APBB1IP: variants seen among roughly 807,000 people sequenced by gnomAD.
APBB1IP encodes the protein amyloid beta precursor protein binding family B member 1 interacting protein.
Under a neutral mutation model 64.9 loss-of-function variants are expected in APBB1IP, and 27 were observed. The ratio of observed to expected loss-of-function variants is 0.42; its 90% CI spans 0.31 to 0.57. APBB1IP has a LOEUF of 0.57. APBB1IP is among the 20% of genes least tolerant of loss of function. APBB1IP has a pLI of 0.20. For synonymous variants in APBB1IP, 392 were observed against 331.0 expected (o/e 1.18, Z -2.00); for missense variants, 812 against 845.5 (o/e 0.96, Z 0.49).
intron 6 of APBB1IP, among the ~76,000 whole-genome samples, chr10:26,507,911 A>G: frequency 6.6e-6 from 1 of 152,336 alleles, no homozygotes; most frequent in Middle Eastern, 3.4e-3. Context: ...AGACAGTGAG[A>G]AAGTGTTGCC....
intron 2 of APBB1IP, among the ~76,000 whole-genome samples, chr10:26,454,461 G>A (rs905553444): frequency 2.6e-5 from 4 of 151,786 alleles, no homozygotes; most frequent in African/African-American, 9.7e-5. Context: ...ACTCCAGCCT[G>A]GACGACAGAG....
At chr10:26,469,404 C>T (rs147580470) in intron 2 of APBB1IP, among the ~76,000 whole-genome samples, 4 of 151,536 alleles carry the variant, frequency 2.6e-5, no homozygotes, top group South Asian at 2.1e-4. Flanking sequence ...AGATGACAGG[C>T]GTGCACCACC....
chr10:26,513,718 T>C, intron 8 of APBB1IP, 58 bp downstream of exon 8: 1 of 1,180,624 alleles, frequency 8.5e-7, no homozygotes, highest in Non-Finnish European at 1.2e-6. Flanking sequence ...TTTTTTTTTT[T>C]GAGACGGAGT....
chr10:26,476,823 C>T (rs950533235), intron 2 of APBB1IP, among the ~76,000 whole-genome samples: 20 of 152,042 alleles, frequency 1.3e-4, no homozygotes, highest in East Asian at 3.9e-4. Flanking sequence ...CTTTTTAAGG[C>T]GGAGTCTTGC....
intron 2 of APBB1IP, among the ~76,000 whole-genome samples, chr10:26,488,197 A>G (rs1252721624): frequency 6.6e-6 from 1 of 152,096 alleles, no homozygotes; most frequent in Non-Finnish European, 1.5e-5. Context: ...TTGTGAAACC[A>G]TGGAGATAAT....
chr10:26,511,799 A>T lies in APBB1IP; in HGVS notation c.584A>T (p.Asp195Val). 1 of 1,614,198 alleles carries T rather than the reference A, an allele frequency of 6.2e-7. No homozygotes were observed. Among genetic ancestry groups the T allele is most frequent in the Non-Finnish European group, 8.5e-7 (1 of 1,180,038 alleles). ...NDNSTKSLMV[D>V]ERQLARDVLD... is the part of the protein sequence containing the mutation. The stretch of plus-strand genomic sequence containing the variant: ...AACAGCACAAAGTCACTGATGGTGG[A>T]TGAGCGGCAGCTGGCCCGAGATGTT... The change falls in exon 7 of 15, where the codon GAT (aspartate) becomes GTT (valine). Residue 195 changes from aspartate to valine, a missense_variant. Asp to Val is a radical substitution (Grantham distance 152). Transcript: ENST00000376236.
chr10:26,547,830 G>T (rs1166267107), intron 11 of APBB1IP, among the ~76,000 whole-genome samples: 1 of 152,304 alleles, frequency 6.6e-6, no homozygotes, highest in Non-Finnish European at 1.5e-5. Context: ...CGCTTTGCAT[G>T]TAGATATCCA....
At position 26,523,847 on chromosome 10, in the gene APBB1IP, C is replaced by T. The variant is rs144668913; in HGVS notation, c.814-9592C>T. ...AATAAATTTCTTAAAAAAAGAAAGACCCTGGCCTTGAATGGTGGCTCACTA... is the reference window on the plus strand; with the variant it reads ...AATAAATTTCTTAAAAAAAGAAAGATCCTGGCCTTGAATGGTGGCTCACTA... On this transcript the variant is annotated intron_variant, in intron 8 of 14. Coordinates refer to ENST00000376236, the MANE Select transcript of APBB1IP (RefSeq NM_019043.4). Among the ~76,000 whole-genome samples, 519 of 152,214 alleles carry T rather than the reference C, an allele frequency of 3.4e-3. 2 individuals are homozygous for T. Among genetic ancestry groups the T allele is most frequent in the East Asian group, 0.018 (93 of 5,184 alleles).
At chr10:26,560,467 T>C (rs1836953474) in intron 12 of APBB1IP, among the ~76,000 whole-genome samples, 1 of 152,194 alleles carries the variant, frequency 6.6e-6, no homozygotes, top group Non-Finnish European at 1.5e-5. Context: ...GTGATCGAGT[T>C]ACATAAAGAC....
intron 2 of APBB1IP, among the ~76,000 whole-genome samples, chr10:26,470,191 A>G (rs562380881): frequency 6.6e-6 from 1 of 152,350 alleles, no homozygotes; most frequent in East Asian, 1.9e-4. Flanking sequence ...TCTGCTTTAC[A>G]CTTTCAATAA....
intron 5 of APBB1IP, among the ~76,000 whole-genome samples, chr10:26,502,777 AATCCCTGGAG>A (rs750201650): frequency 2.6e-5 from 4 of 152,254 alleles, no homozygotes; most frequent in Non-Finnish European, 5.9e-5. Flanking sequence ...GGAATGTTCA[AATCCCTGGAG>A]ATGTGTCAAT....
chr10:26,450,567 C>A (rs541514139), intron 2 of APBB1IP, among the ~76,000 whole-genome samples: 24 of 152,122 alleles, frequency 1.6e-4, no homozygotes, highest in Admixed American at 1.5e-3. Flanking sequence ...TTTCTTTATT[C>A]TTCTCCTTCT....
intron 10 of APBB1IP, among the ~76,000 whole-genome samples, chr10:26,537,737 C>T (rs1836643456): frequency 6.6e-6 from 1 of 151,898 alleles, no homozygotes; most frequent in Non-Finnish European, 1.5e-5. Flanking sequence ...AGTTCTAGAC[C>T]AGCCTGGCCA....
chr10:26,462,515 T>C (rs1019945362), intron 2 of APBB1IP, among the ~76,000 whole-genome samples: 4 of 152,236 alleles, frequency 2.6e-5, no homozygotes, highest in African/African-American at 9.6e-5. Flanking sequence ...AGTATCTCAT[T>C]TAATATTTTA....
intron 2 of APBB1IP, among the ~76,000 whole-genome samples, chr10:26,486,471 T>G (rs1280435769): frequency 6.6e-6 from 1 of 152,116 alleles, no homozygotes; most frequent in Non-Finnish European, 1.5e-5. Flanking sequence ...ACTAATGGCC[T>G]TTTACCAAGT....
At chr10:26,558,040 C>A (rs1290836884) in intron 11 of APBB1IP, among the ~76,000 whole-genome samples, 1 of 151,996 alleles carries the variant, frequency 6.6e-6, no homozygotes, top group Non-Finnish European at 1.5e-5. Flanking sequence ...ATTCCACTTT[C>A]AGCACCACCA....
intron 2 of APBB1IP, among the ~76,000 whole-genome samples, chr10:26,460,978 T>C (rs1036498432): frequency 6.6e-6 from 1 of 151,550 alleles, no homozygotes; most frequent in African/African-American, 2.4e-5. Flanking sequence ...CTAGGTCTCA[T>C]GTCAATGTGT....
chr10:26,474,295 A>G (rs888176609), intron 2 of APBB1IP, among the ~76,000 whole-genome samples: 1 of 152,222 alleles, frequency 6.6e-6, no homozygotes, highest in African/African-American at 2.4e-5. Flanking sequence ...CTCAGTGGAC[A>G]GGCCTGGTTT....
intron 10 of APBB1IP, among the ~76,000 whole-genome samples, chr10:26,537,933 C>CAAA (rs11331595): frequency 9.3e-6 from 1 of 106,984 alleles, no homozygotes; most frequent in Admixed American, 9.5e-5. Context: ...GACTAGGTCT[C>CAAA]AAAAAAAAAA....
Sources: gnomAD v4.1 joint callset for allele counts (sites outside exome capture counted in the v4.1 genomes callset) on GRCh38, gnomAD v4.1.1 for gene constraint, MANE v1.5 for transcripts, NCBI Gene and HGNC (gene_info 2026-07-23, HGNC 2026-07-21) for gene names.